The following FRMD6 variants were observed in gnomAD, a reference collection of about 807,000 sequenced individuals.
FRMD6 encodes the protein FERM domain containing 6.
Under a neutral mutation model 73.2 loss-of-function variants are expected in FRMD6, and 37 were observed. That is an observed-to-expected ratio of 0.51 (90% CI 0.39 to 0.66). The LOEUF (loss-of-function observed/expected upper bound fraction) is 0.66, where lower values mean the gene tolerates loss of function less well. FRMD6 is among the 30% of genes least tolerant of loss of function. FRMD6 has a pLI of 0.00. For missense variants in FRMD6, 714 were observed against 780.5 expected (o/e 0.91, Z 1.02); for synonymous variants, 273 against 282.2 (o/e 0.97, Z 0.33).
the FRMD6 span, among the ~76,000 whole-genome samples, chr14:51,443,104 C>T: frequency 6.6e-6 from 1 of 152,188 alleles, no homozygotes; most frequent in South Asian, 2.1e-4. Flanking sequence ...GGCTTCTCCC[C>T]CTTCTTGCCA....
chr14:51,661,231 G>A (rs1893198178), intron 1 of FRMD6, among the ~76,000 whole-genome samples: 2 of 152,298 alleles, frequency 1.3e-5, no homozygotes, highest in East Asian at 3.9e-4. Flanking sequence ...GGGAATATGT[G>A]TAGTCAGAGA....
intron 1 of FRMD6, among the ~76,000 whole-genome samples, chr14:51,665,245 T>A (rs946309600): frequency 3.9e-5 from 6 of 152,240 alleles, no homozygotes; most frequent in African/African-American, 1.2e-4. Context: ...TCCCCCTTTA[T>A]ACGGGGTGTG....
intron 2 of FRMD6, among the ~76,000 whole-genome samples, chr14:51,625,881 A>G (rs1242142320): frequency 6.6e-6 from 1 of 152,222 alleles, no homozygotes; most frequent in Non-Finnish European, 1.5e-5. Flanking sequence ...TTTAGAACTT[A>G]GTACTCCACC....
the FRMD6 span, among the ~76,000 whole-genome samples, chr14:51,406,756 G>C: frequency 6.6e-6 from 1 of 152,146 alleles, no homozygotes. Flanking sequence ...AACCAAGCTT[G>C]TCCAAATATA....
At chr14:51,611,121 T>C (rs1265203428) in intron 2 of FRMD6, among the ~76,000 whole-genome samples, 2 of 152,144 alleles carry the variant, frequency 1.3e-5, no homozygotes, top group Non-Finnish European at 2.9e-5. Flanking sequence ...GAGCAGGATC[T>C]CCAGAGAGTG....
chr14:51,698,102 G>T, intron 2 of FRMD6, 40 bp from the exon 3 acceptor site: 1 of 1,472,764 alleles, frequency 6.8e-7, no homozygotes, highest in Non-Finnish European at 9.5e-7. Flanking sequence ...GGTGGACTTA[G>T]TTGAATTGTT....
chr14:51,703,462 G>T (rs1896445715), intron 5 of FRMD6, among the ~76,000 whole-genome samples: 1 of 151,880 alleles, frequency 6.6e-6, no homozygotes, highest in South Asian at 2.1e-4. Context: ...AAAAAAATTA[G>T]CCCATAAGGA....
intron 5 of FRMD6, among the ~76,000 whole-genome samples, chr14:51,704,072 G>A (rs78541301): frequency 6.6e-6 from 1 of 151,970 alleles, no homozygotes; most frequent in South Asian, 2.1e-4. Context: ...CTTTTGTGGG[G>A]AGTATAATAA....
chr14:51,525,146 GGATGGA>G (rs1885176293), intron 1 of FRMD6, among the ~76,000 whole-genome samples: 1 of 37,722 alleles, frequency 2.7e-5, no homozygotes, highest in Non-Finnish European at 5.5e-5. Flanking sequence ...GTGGGTGGAT[GGATGGA>G]TGGATGGATG....
At chr14:51,699,783 A>G (rs1896181400) in intron 3 of FRMD6, among the ~76,000 whole-genome samples, 1 of 152,016 alleles carries the variant, frequency 6.6e-6, no homozygotes, top group South Asian at 2.1e-4. Context: ...TCTTAATTCT[A>G]TTCATTATGT....
intron 2 of FRMD6, among the ~76,000 whole-genome samples, chr14:51,615,515 A>C (rs978982976): frequency 4.6e-5 from 7 of 152,200 alleles, no homozygotes; most frequent in African/African-American, 1.7e-4. Flanking sequence ...ATGAAAATAA[A>C]AGCACAGGGG....
intron 1 of FRMD6, among the ~76,000 whole-genome samples, chr14:51,656,818 C>T (rs780394585): frequency 6.6e-6 from 1 of 152,140 alleles, no homozygotes; most frequent in Non-Finnish European, 1.5e-5. Context: ...TTATCCAGGT[C>T]ATTGCATTAA....
the FRMD6 span, among the ~76,000 whole-genome samples, chr14:51,466,775 A>G: frequency 3.3e-5 from 5 of 152,184 alleles, no homozygotes; most frequent in Non-Finnish European, 7.4e-5. Context: ...CTATAAAACA[A>G]CTTGCTGGGA....
chr14:51,404,081 T>G, the FRMD6 span, among the ~76,000 whole-genome samples: 1 of 152,232 alleles, frequency 6.6e-6, no homozygotes, highest in Non-Finnish European at 1.5e-5. Context: ...CATCACTGAT[T>G]CTTGTTATTT....
chr14:51,577,145 T>G (rs529896504), intron 2 of FRMD6, among the ~76,000 whole-genome samples: 1 of 152,276 alleles, frequency 6.6e-6, no homozygotes, highest in South Asian at 2.1e-4. Context: ...TGTTGGTATT[T>G]GCAAGGCAGT....
intron 1 of FRMD6, among the ~76,000 whole-genome samples, chr14:51,524,770 C>A (rs536530484): frequency 2.9e-4 from 44 of 152,100 alleles, no homozygotes; most frequent in African/African-American, 1.0e-3. Flanking sequence ...TCGGCGTTCT[C>A]CTTATTTGAA....
the FRMD6 span, among the ~76,000 whole-genome samples, chr14:51,475,901 A>G: frequency 6.6e-6 from 1 of 152,096 alleles, no homozygotes; most frequent in Non-Finnish European, 1.5e-5. Context: ...GATGGAATGG[A>G]TTGAGAAGCA....
At chr14:51,430,517 G>A in the FRMD6 span, among the ~76,000 whole-genome samples, 2 of 151,092 alleles carry the variant, frequency 1.3e-5, no homozygotes, top group African/African-American at 4.9e-5. Context: ...TATTTTGAAA[G>A]TTTAGGCATA....
At chr14:51,491,506 G>T (rs1318787234) in intron 1 of FRMD6, 1 of 152,250 alleles carries the variant, frequency 6.6e-6, no homozygotes, top group East Asian at 1.9e-4. Flanking sequence ...ACAGCACCCA[G>T]AATTTGCTGA....
Sources: gnomAD v4.1 joint callset for allele counts (sites outside exome capture counted in the v4.1 genomes callset) on GRCh38, gnomAD v4.1.1 for gene constraint, MANE v1.5 for transcripts, NCBI Gene and HGNC (gene_info 2026-07-23, HGNC 2026-07-21) for gene names.